VPS13B: variants seen among roughly 807,000 people sequenced by gnomAD.
The protein encoded by VPS13B is vacuolar protein sorting 13 homolog B, also known as intermembrane lipid transfer protein VPS13B.
In VPS13B, 285 loss-of-function variants were observed where a neutral mutation model predicts 426.4. The observed-to-expected ratio is 0.67, with a 90% CI of 0.61 to 0.74. The LOEUF is 0.74. Ranked by LOEUF, VPS13B falls within the 30% of genes least tolerant of loss-of-function variation. The probability of loss-of-function intolerance (pLI) is 0.00; values close to 1 mark genes in which losing one functional copy is unlikely to be tolerated. For missense variants in VPS13B, 4,537 were observed against 4,782.6 expected (o/e 0.95, Z 1.51); for synonymous variants, 1,676 against 1,676.4 (o/e 1.00, Z 0.01).
intron 19 of VPS13B, among the ~76,000 whole-genome samples, chr8:99,291,398 T>G (rs552674480): frequency 6.6e-6 from 1 of 152,274 alleles, no homozygotes; most frequent in South Asian, 2.1e-4. Context: ...ATAGGCAGTT[T>G]GAATAAAGAA....
chr8:99,230,238 T>C (rs1373971461), intron 17 of VPS13B, among the ~76,000 whole-genome samples: 1 of 152,246 alleles, frequency 6.6e-6, no homozygotes, highest in Admixed American at 6.5e-5. Context: ...GAATTTTATT[T>C]AGGCATTTTA....
At chr8:99,766,067 T>C (rs1376911681) in intron 39 of VPS13B, among the ~76,000 whole-genome samples, 1 of 24,764 alleles carries the variant, frequency 4.0e-5, no homozygotes, top group South Asian at 2.4e-3. Context: ...CCTTCATTAC[T>C]TTTTTTTTTT....
chr8:99,653,431 G>A lies in VPS13B; in HGVS notation c.5909-7923G>A, dbSNP rs982488312. Among the ~76,000 whole-genome samples, 5 of 151,520 alleles carry A rather than the reference G, an allele frequency of 3.3e-5. No individual in the cohort carries two copies. In the East Asian group the frequency reaches 7.8e-4, roughly 24 times the overall value. Reference sequence around the variant, plus strand: ...AGAGCAGAAAAGAGGTTTACAGTTGGGATTAAGTTGATCTTCCTTGGATAT... The same window carrying A: ...AGAGCAGAAAAGAGGTTTACAGTTGAGATTAAGTTGATCTTCCTTGGATAT... On this transcript the variant is annotated intron_variant, in intron 34 of 61. Coordinates refer to ENST00000357162, the MANE Select transcript of VPS13B (RefSeq NM_152564.5).
At chr8:99,136,788 G>T (rs777357839) in intron 12 of VPS13B, 36 bp downstream of exon 12, 3 of 1,598,642 alleles carry the variant, frequency 1.9e-6, no homozygotes, top group Admixed American at 3.3e-5. Flanking sequence ...GCCATTTCTT[G>T]AACAACTGAA....
intron 21 of VPS13B, among the ~76,000 whole-genome samples, chr8:99,401,508 A>G (rs1815034671): frequency 6.6e-6 from 1 of 152,198 alleles, no homozygotes; most frequent in Non-Finnish European, 1.5e-5. Context: ...TATACTTAAC[A>G]TAGTGTTATC....
At chr8:99,668,557 T>C (rs2129853053) in intron 35 of VPS13B, among the ~76,000 whole-genome samples, 1 of 152,272 alleles carries the variant, frequency 6.6e-6, no homozygotes, top group Non-Finnish European at 1.5e-5. Flanking sequence ...AAAAATAATG[T>C]AGAGTTCTTG....
chr8:99,560,429 A>T (rs1824847518), intron 31 of VPS13B, among the ~76,000 whole-genome samples: 1 of 152,192 alleles, frequency 6.6e-6, no homozygotes, highest in African/African-American at 2.4e-5. Flanking sequence ...CACATCACTT[A>T]ACATATTTTA....
chr8:99,506,388 G>A (rs1821502071), intron 27 of VPS13B, among the ~76,000 whole-genome samples: 1 of 152,162 alleles, frequency 6.6e-6, no homozygotes. Context: ...TTTGGCTGAA[G>A]TAATTTTTAA....
chr8:99,863,604 C>T (rs1490812433), intron 58 of VPS13B, among the ~76,000 whole-genome samples: 1 of 152,108 alleles, frequency 6.6e-6, no homozygotes, highest in Non-Finnish European at 1.5e-5. Flanking sequence ...CCAGCCAATG[C>T]TCCGTTTTCA....
At chr8:99,810,308 G>A (rs1024309562) in intron 44 of VPS13B, among the ~76,000 whole-genome samples, 2 of 152,240 alleles carry the variant, frequency 1.3e-5, no homozygotes, top group African/African-American at 4.8e-5. Context: ...TGTCGTTAGA[G>A]TTTCAACATA....
At chr8:99,340,464 C>T (rs1026100923) in intron 19 of VPS13B, 2 of 490,874 alleles carry the variant, frequency 4.1e-6, no homozygotes, top group Non-Finnish European at 8.2e-6. Context: ...CAGACTAGGA[C>T]ATGTTTCCAA....
chr8:99,755,535 C>T (rs1359729455), intron 39 of VPS13B, among the ~76,000 whole-genome samples: 25 of 152,132 alleles, frequency 1.6e-4, no homozygotes, highest in African/African-American at 5.1e-4. Context: ...TTTGGGAGGC[C>T]GAGGTGGGCA....
chr8:99,491,502 CAA>C (rs1444347917), intron 25 of VPS13B, among the ~76,000 whole-genome samples: 2 of 152,210 alleles, frequency 1.3e-5, no homozygotes, highest in Non-Finnish European at 2.9e-5. Context: ...GTTCACCAAT[CAA>C]ACATAGATTT....
intron 33 of VPS13B, among the ~76,000 whole-genome samples, chr8:99,603,627 A>G (rs1379444003): frequency 2.0e-5 from 3 of 152,224 alleles, no homozygotes; most frequent in Admixed American, 2.0e-4. Context: ...GGGATGATTC[A>G]CGACCCAGGC....
intron 25 of VPS13B, among the ~76,000 whole-genome samples, chr8:99,500,872 A>G (rs1362000913): frequency 6.6e-6 from 1 of 152,166 alleles, no homozygotes; most frequent in African/African-American, 2.4e-5. Context: ...AAAAGGGTTT[A>G]TTTTATTCTG....
At chr8:99,414,464 A>T (rs1051156319) in intron 21 of VPS13B, among the ~76,000 whole-genome samples, 1 of 152,156 alleles carries the variant, frequency 6.6e-6, no homozygotes, top group African/African-American at 2.4e-5. Flanking sequence ...TGTCATCATG[A>T]TGCTAGCTGG....
At chr8:99,318,331 G>C (rs1041760026) in intron 19 of VPS13B, among the ~76,000 whole-genome samples, 2 of 151,890 alleles carry the variant, frequency 1.3e-5, no homozygotes, top group African/African-American at 4.9e-5. Flanking sequence ...ATGTAAAAGA[G>C]AGAGATTGAT....
At chr8:99,803,736 T>A (rs1046085783) in intron 43 of VPS13B, among the ~76,000 whole-genome samples, 1 of 152,224 alleles carries the variant, frequency 6.6e-6, no homozygotes, top group Non-Finnish European at 1.5e-5. Flanking sequence ...ATAAGCAACA[T>A]ATTTCATTTT....
At chr8:99,790,605 G>C (rs1759726476) in intron 43 of VPS13B, among the ~76,000 whole-genome samples, 1 of 152,102 alleles carries the variant, frequency 6.6e-6, no homozygotes, top group African/African-American at 2.4e-5. Flanking sequence ...GAAATGCCAG[G>C]GAATCAGGAA....
Sources: gnomAD v4.1 joint callset for allele counts (sites outside exome capture counted in the v4.1 genomes callset) on GRCh38, gnomAD v4.1.1 for gene constraint, MANE v1.5 for transcripts, NCBI Gene and HGNC (gene_info 2026-07-23, HGNC 2026-07-21) for gene names.